Variants in BCL10 observed in about 807,000 individuals in gnomAD.
BCL10 encodes B-cell lymphoma/leukemia 10.
A neutral mutation model predicts 19.2 loss-of-function variants in BCL10; 5 were observed. That is an observed-to-expected ratio of 0.26 (90% CI 0.14 to 0.55). The LOEUF (loss-of-function observed/expected upper bound fraction) is 0.55, where lower values mean the gene tolerates loss of function less well. Among genes scored for constraint, BCL10 ranks in the 20% least tolerant of loss-of-function variants. The pLI is 0.94. For missense variants in BCL10, 201 were observed against 271.9 expected (o/e 0.74, Z 1.83); for synonymous variants, 110 against 98.8 (o/e 1.11, Z -0.67).
chr1:85,271,053 G>T, intron 1 of BCL10, 147 bp from the exon 2 acceptor site: 2 of 761,540 alleles, frequency 2.6e-6, no homozygotes, highest in Non-Finnish European at 4.2e-6. Context: ...TAATTAAGAT[G>T]AAAGTCCAAG....
In BCL10 at chr1:85,267,335, A is replaced by T; in HGVS notation, c.*292T>A. On this transcript the variant is annotated 3_prime_UTR_variant, in exon 3 of 3. Transcript: ENST00000648566. ...AGTAAGGGTCTATTCTCAAATAGAG[A>T]TATATTCCCTATTAAAATCAGTCTT... 1 of 320,804 alleles carries T rather than the reference A, an allele frequency of 3.1e-6. No homozygotes were observed. The highest frequency in any genetic ancestry group is 5.7e-6 in the Non-Finnish European group (1 of 174,572). The allele number at this position is 320,804 out of a possible 1,614,324, so 19.9% of individuals were successfully genotyped here.
Position 85,267,200 on chromosome 1 carries a change from C to T in BCL10, c.*427G>A, listed in dbSNP as rs1469445861. ...TTCCCATCAGTGACCGGTTTTATTA[C>T]TGAACAGGAACAGCTTAATGCTGAA... is the stretch of plus-strand genomic sequence containing the variant. On this transcript the variant is annotated 3_prime_UTR_variant, in exon 3 of 3. Coordinates refer to ENST00000648566, the MANE Select transcript of BCL10 (RefSeq NM_003921.5). The T allele has an allele frequency of 1.5e-5, 3 of 204,212 alleles. No homozygotes were observed. In the East Asian group the frequency reaches 2.3e-4, roughly 15 times the overall value. 12.7% of individuals were successfully genotyped at this position (204,212 alleles called of 1,614,324 possible). A position where few individuals can be genotyped will look rare whatever the true frequency, so the allele number is the denominator to read the frequency against.
Position 85,266,450 on chromosome 1 carries a change from G to A in BCL10, c.*1177C>T, listed in dbSNP as rs1802445. 0.025 allele frequency: 4,708 copies of A among 191,638 alleles called. 76 individuals carry two copies. Among genetic ancestry groups the A allele is most frequent in the South Asian group, 0.037 (192 of 5,154 alleles). The allele number at this position is 191,638 out of a possible 1,614,324, so 11.9% of individuals were successfully genotyped here. A position where few individuals can be genotyped will look rare whatever the true frequency, so the allele number is the denominator to read the frequency against. ...AACAAAAAGACAAATCTGGCTAATG[G>A]CCCACTTGTTCAAATAGCATTAAAA... On this transcript the variant is annotated 3_prime_UTR_variant, in exon 3 of 3. Coordinates refer to ENST00000648566, the MANE Select transcript of BCL10 (RefSeq NM_003921.5).
chr1:85,274,378 A>G (rs1248308033), intron 1 of BCL10, among the ~76,000 whole-genome samples: 7 of 152,194 alleles, frequency 4.6e-5, no homozygotes, highest in African/African-American at 1.7e-4. Context: ...AGCTCTTTTC[A>G]AGTTAGGATT....
At position 85,267,943 on chromosome 1, in the gene BCL10, G is replaced by A. The variant is rs1365763187; in HGVS notation, c.386C>T (p.Ala129Val). ...ATTTGATCTGGAGAGGTTGTTCGTGGCTCCATCTGGAAAAGGTTCACAACT... is the reference window on the plus strand; with the variant it reads ...ATTTGATCTGGAGAGGTTGTTCGTGACTCCATCTGGAAAAGGTTCACAACT... ...CSSCEPFPDGATNNLSRSNSD... is the reference protein window; with the variant it reads ...CSSCEPFPDGVTNNLSRSNSD... Residue 129 changes from alanine to valine, a missense_variant, in exon 3 of 3, where the codon GCC becomes GTC. Transcript: ENST00000648566. 4 of 1,599,136 alleles carry A rather than the reference G, an allele frequency of 2.5e-6. No homozygotes were observed. The African/African-American group carries it at 5.4e-5, about 22-fold the overall frequency.
intron 2 of BCL10, among the ~76,000 whole-genome samples, chr1:85,269,400 T>C (rs767435648): frequency 1.4e-4 from 22 of 152,230 alleles, no homozygotes; most frequent in Non-Finnish European, 2.9e-4. Context: ...TTAGCAAATA[T>C]TCAACCTACA....
Position 85,265,887 on chromosome 1 carries a change from TTTGA to T in BCL10, c.*1736_*1739del, listed in dbSNP as rs1459137057. Among the ~76,000 whole-genome samples the T allele has an allele frequency of 6.6e-6, 1 of 152,208 alleles. No homozygotes were observed. The highest frequency in any genetic ancestry group is 1.5e-5 in the Non-Finnish European group (1 of 68,024). On this transcript the variant is annotated 3_prime_UTR_variant, in exon 3 of 3. Coordinates refer to ENST00000648566, the MANE Select transcript of BCL10 (RefSeq NM_003921.5). ...GTTATTGTATATCTAAATTATAATC[TTTGA>T]TTCAATTTTTAAAAAGGTGTCCACA...
chr1:85,270,817 T>C lies in BCL10; in HGVS notation c.147A>G (p.Arg49=), dbSNP rs1185198557. 6.2e-7 allele frequency: 1 copy of C among 1,614,038 alleles called. No individual in the cohort carries two copies. The highest frequency in any genetic ancestry group is 1.1e-5 in the South Asian group (1 of 91,080). ...DHLRAKKILS[R]EDTEEISCRT... ...GACAAGAAATTTCTTCAGTGTCTTC[T>C]CTACTGAGTATTTTTTTTGCACGTA... Residue 49 remains arginine, a synonymous_variant, in exon 2 of 3, where the codon AGA becomes AGG. Coordinates refer to ENST00000648566, the MANE Select transcript of BCL10 (RefSeq NM_003921.5).
chr1:85,267,919 T>A lies in BCL10; in HGVS notation c.410A>T (p.Asn137Ile), dbSNP rs151312450. The A allele has an allele frequency of 6.2e-7, 1 of 1,613,690 alleles. No individual in the cohort carries two copies. The highest frequency in any genetic ancestry group is 1.3e-5 in the African/African-American group (1 of 74,926). The change falls in exon 3 of 3, where the codon AAT becomes ATT. Residue 137 changes from asparagine to isoleucine, a missense_variant. Physicochemically the swap from Asn to Ile is moderately radical, Grantham distance 149 (BLOSUM62 -3). This residue lies in a region of BCL10 where 126 missense variants were observed against 136.6 expected (regional missense o/e 0.92). Transcript: ENST00000648566. Reference sequence around the variant, plus strand: ...TTCAGAGAAATTACTCTCATCTGAATTTGATCTGGAGAGGTTGTTCGTGGC... The same window carrying A: ...TTCAGAGAAATTACTCTCATCTGAAATTGATCTGGAGAGGTTGTTCGTGGC... ...DGATNNLSRS[N>I]SDESNFSEKL...
At chr1:85,272,113 C>G (rs1660382894) in intron 1 of BCL10, among the ~76,000 whole-genome samples, 1 of 152,196 alleles carries the variant, frequency 6.6e-6, no homozygotes, top group Non-Finnish European at 1.5e-5. Flanking sequence ...TGTCCAGGAC[C>G]TGGTCCTTAT....
chr1:85,270,538 T>C (rs1660341896), intron 2 of BCL10, 80 bp downstream of exon 2: 15 of 1,311,988 alleles, frequency 1.1e-5, no homozygotes, highest in Middle Eastern at 4.3e-4. Context: ...CCTCCTAAAG[T>C]GCAGGCACCT....
intron 1 of BCL10, among the ~76,000 whole-genome samples, chr1:85,274,191 A>C (rs962390994): frequency 5.3e-5 from 8 of 152,170 alleles, no homozygotes; most frequent in Admixed American, 3.9e-4. Flanking sequence ...ATGAAAACAA[A>C]ATTTATTTAT....
intron 1 of BCL10, 28 bp from the exon 2 acceptor site, chr1:85,270,934 T>G (rs1157476803): frequency 1.3e-6 from 2 of 1,580,646 alleles, no homozygotes; most frequent in South Asian, 2.3e-5. Context: ...TGGTTCAATG[T>G]TATTTTTAAC....
intron 1 of BCL10, among the ~76,000 whole-genome samples, chr1:85,272,610 G>A (rs1374751850): frequency 2.6e-5 from 4 of 152,076 alleles, no homozygotes; most frequent in Admixed American, 1.3e-4. Context: ...TGTCTTAAAG[G>A]ATAAAGTTCC....
At position 85,276,285 on chromosome 1, in the gene BCL10, G is replaced by C. The variant is rs12562182; in HGVS notation, c.57+11C>G. On this transcript the variant is annotated intron_variant, in intron 1 of 2. Coordinates refer to ENST00000648566, the MANE Select transcript of BCL10 (RefSeq NM_003921.5). ...GCCCCCGCCCGCCCTGGGCACAGCT[G>C]CGTTACTCACGTCCTTCTTCACTTC... The C allele has an allele frequency of 0.087, 140,302 of 1,612,938 alleles. 7,018 individuals carry two copies. The highest frequency in any genetic ancestry group is 0.16 in the East Asian group (7,193 of 44,822).
intron 1 of BCL10, 36 bp downstream of exon 1, chr1:85,276,260 G>GC: frequency 7.3e-7 from 1 of 1,370,718 alleles, no homozygotes; most frequent in East Asian, 2.4e-5. Flanking sequence ...GCTGCAGCCC[G>GC]CCCCCGCCCG....
At chr1:85,268,061 G>A in intron 2 of BCL10, 79 bp from the exon 3 acceptor site, 1 of 918,716 alleles carries the variant, frequency 1.1e-6, no homozygotes. Flanking sequence ...ACTTGTTAAA[G>A]ATTACAAGCT....
chr1:85,267,964 C>T lies in BCL10; in HGVS notation c.365G>A (p.Cys122Tyr), dbSNP rs776283248. Residue 122 changes from cysteine to tyrosine, a missense_variant, in exon 3 of 3, where the codon TGT (cysteine) becomes TAT (tyrosine). Physicochemically the swap from Cys to Tyr is radical, Grantham distance 194. Coordinates refer to ENST00000648566, the MANE Select transcript of BCL10 (RefSeq NM_003921.5). ...CGTGGCTCCATCTGGAAAAGGTTCA[C>T]AACTGCTACATTTTAGTCCTACAAT... is the stretch of plus-strand genomic sequence containing the variant. Reference protein sequence around the residue: ...EHLKGLKCSSCEPFPDGATNN... With the variant: ...EHLKGLKCSSYEPFPDGATNN... 6.4e-7 allele frequency: 1 copy of T among 1,571,670 alleles called. No individual in the cohort carries two copies. The highest frequency in any genetic ancestry group is 8.6e-7 in the Non-Finnish European group (1 of 1,159,482).
intron 2 of BCL10, among the ~76,000 whole-genome samples, chr1:85,269,719 T>G (rs1172146073): frequency 6.6e-6 from 1 of 152,162 alleles, no homozygotes; most frequent in African/African-American, 2.4e-5. Context: ...AGAGAGACAG[T>G]GAGGAACAGA....
Sources: allele counts gnomAD v4.1 joint callset (sites outside exome capture counted in the v4.1 genomes callset), GRCh38; gene constraint gnomAD v4.1.1; regional missense constraint gnomAD v4.1.1; transcripts MANE v1.5; gene names NCBI Gene and HGNC (gene_info 2026-07-23, HGNC 2026-07-21).